The following ANKRD17 variants were observed in gnomAD, a reference collection of about 807,000 sequenced individuals.
The protein encoded by ANKRD17 is ankyrin repeat domain 17.
Under a neutral mutation model 229.7 loss-of-function variants are expected in ANKRD17, and 19 were observed. The observed-to-expected ratio is 0.08, with a 90% confidence interval of 0.06 to 0.12. The LOEUF (loss-of-function observed/expected upper bound fraction) is 0.12. Ranked by LOEUF, ANKRD17 falls within the 10% of genes least tolerant of loss-of-function variation. The pLI, the probability that ANKRD17 is intolerant of heterozygous loss-of-function variation, is 1.00. For missense variants in ANKRD17, 2,176 were observed against 3,176.8 expected, an observed-to-expected ratio of 0.68 and a Z score of 7.57; for synonymous variants, 1,112 against 1,146.1, an observed-to-expected ratio of 0.97 and a Z score of 0.60.
Position 73,090,969 on chromosome 4 carries a change from A to G in ANKRD17, c.6659T>C (p.Leu2220Pro), listed in dbSNP as rs762778817. The G allele has an allele frequency of 3.1e-6, 5 of 1,614,136 alleles. No homozygotes were observed. In the African/African-American group the frequency reaches 6.7e-5, roughly 22 times the overall value. ...ACTTTGTGTACTTAAGGTCGAAGGT[A>G]GCTGGACAGAAGAGGGAACACTGTG... The part of the protein sequence containing the change: ...RPHSVPSSVQ[L>P]PSTLSTQSAC... The change falls in exon 29 of 34, where the codon CTA (leucine) becomes CCA (proline). Residue 2220 changes from leucine to proline, a missense_variant. Physicochemically the swap from Leu to Pro is moderately conservative, Grantham distance 98. Coordinates refer to ENST00000358602, the MANE Select transcript of ANKRD17 (RefSeq NM_032217.5).
intron 30 of ANKRD17, among the ~76,000 whole-genome samples, chr4:73,082,338 A>C (rs1721660222): frequency 6.6e-6 from 1 of 151,882 alleles, no homozygotes; most frequent in South Asian, 2.1e-4. Flanking sequence ...AAATAAAAAC[A>C]TTAGCTGGGT....
intron 8 of ANKRD17, among the ~76,000 whole-genome samples, chr4:73,148,033 C>T (rs1730520378): frequency 6.6e-6 from 1 of 152,132 alleles, no homozygotes; most frequent in African/African-American, 2.4e-5. Context: ...AACAACCCTA[C>T]ACGAGAAAAC....
In ANKRD17 at chr4:73,113,927, A is replaced by AT. The variant is rs1725620501; in HGVS notation, c.4285-20dup. 3 of 1,552,550 alleles carry AT rather than the reference A, an allele frequency of 1.9e-6. No homozygotes were observed. Among genetic ancestry groups the AT allele is most frequent in the African/African-American group, 1.4e-5 (1 of 73,482 alleles). On this transcript the variant is annotated intron_variant, in intron 23 of 33. Transcript: ENST00000358602. ...GCATCTCCTATAATGAAAAATTAAGATTTTTCCAGGCTCACAGAACAATTC... is the reference window on the plus strand; with the variant it reads ...GCATCTCCTATAATGAAAAATTAAGATTTTTTCCAGGCTCACAGAACAATTC...
Position 73,253,495 on chromosome 4 carries a change from T to A in ANKRD17, c.393+4781A>T, listed in dbSNP as rs1003862888. On this transcript the variant is annotated intron_variant, in intron 1 of 33. Transcript: ENST00000358602. ...AACTCATTTAACTCTCATAACAATGTTATAAGGTAGAATCTACTATCATTA... is the reference window on the plus strand; with the variant it reads ...AACTCATTTAACTCTCATAACAATGATATAAGGTAGAATCTACTATCATTA... 5.9e-5 allele frequency among the ~76,000 whole-genome samples: 9 copies of A among 152,284 alleles called. 1 individual carries two copies. Among genetic ancestry groups the A allele is most frequent in the Admixed American group, 5.2e-4 (8 of 15,296 alleles).
chr4:73,255,544 G>C (rs924793516), intron 1 of ANKRD17, among the ~76,000 whole-genome samples: 1 of 152,142 alleles, frequency 6.6e-6, no homozygotes, highest in Non-Finnish European at 1.5e-5. Flanking sequence ...GCTCCAGAAA[G>C]TTAGGCTTCT....
intron 2 of ANKRD17, among the ~76,000 whole-genome samples, chr4:73,168,479 T>C (rs1172670904): frequency 2.0e-5 from 3 of 152,178 alleles, no homozygotes; most frequent in African/African-American, 7.2e-5. Context: ...AATTAAAACA[T>C]TGTTCCTATG....
chr4:73,180,005 A>T (rs1042509574), intron 1 of ANKRD17, among the ~76,000 whole-genome samples: 1 of 152,146 alleles, frequency 6.6e-6, no homozygotes, highest in Non-Finnish European at 1.5e-5. Flanking sequence ...ATTTACAATT[A>T]TTTCAATTTA....
intron 1 of ANKRD17, among the ~76,000 whole-genome samples, chr4:73,195,401 C>A (rs1224406354): frequency 1.3e-5 from 2 of 152,086 alleles, no homozygotes; most frequent in African/African-American, 2.4e-5. Context: ...TGTAATCCCT[C>A]ATCATATATT....
At chr4:73,213,021 C>T (rs1349490587) in intron 1 of ANKRD17, among the ~76,000 whole-genome samples, 2 of 101,590 alleles carry the variant, frequency 2.0e-5, no homozygotes, top group African/African-American at 8.0e-5. Context: ...AGCAAGACTC[C>T]GTTTCAGGGG....
At chr4:73,175,611 T>C (rs576891173) in intron 2 of ANKRD17, among the ~76,000 whole-genome samples, 3 of 152,284 alleles carry the variant, frequency 2.0e-5, no homozygotes, top group South Asian at 4.1e-4. Flanking sequence ...AGTACACATA[T>C]AGACCACTAG....
intron 1 of ANKRD17, among the ~76,000 whole-genome samples, chr4:73,203,058 G>C (rs961675363): frequency 6.6e-6 from 1 of 152,138 alleles, no homozygotes. Flanking sequence ...CACAAAAAAA[G>C]ATCAGTGAAC....
intron 24 of ANKRD17, among the ~76,000 whole-genome samples, chr4:73,109,790 T>G (rs924508206): frequency 6.6e-6 from 1 of 151,856 alleles, no homozygotes; most frequent in Non-Finnish European, 1.5e-5. Context: ...CATGTGAGAA[T>G]AAGAAGAAAG....
intron 1 of ANKRD17, among the ~76,000 whole-genome samples, chr4:73,219,976 G>C (rs976587937): frequency 1.3e-5 from 2 of 151,928 alleles, no homozygotes; most frequent in Non-Finnish European, 2.9e-5. Context: ...TAAATATACA[G>C]TAACCAAGTT....
chr4:73,113,763 T>C (rs368963231), intron 24 of ANKRD17, 29 bp downstream of exon 24: 17 of 1,469,888 alleles, frequency 1.2e-5, no homozygotes, highest in Non-Finnish European at 1.5e-5. Flanking sequence ...AAAAAGTGGG[T>C]AGTTTTCATG....
At position 73,091,705 on chromosome 4, in the gene ANKRD17, A is replaced by G. The variant is rs1244999738; in HGVS notation, c.5923T>C (p.Ser1975Pro). 1 of 1,614,196 alleles carries G rather than the reference A, an allele frequency of 6.2e-7. No individual in the cohort carries two copies. Among genetic ancestry groups the G allele is most frequent in the South Asian group, 1.1e-5 (1 of 91,084 alleles). ...GTACCAGGCACCGTTGAAGCTGATG[A>G]ACTGGTTGTAGTTGTTGGGCTTGAA... ...LTSSPTTTTS[S>P]SASTVPGTST... The change falls in exon 29 of 34, where the codon TCA becomes CCA. Residue 1975 changes from serine (S) to proline (P), a missense_variant. By Grantham distance (74) the Ser-to-Pro change is moderately conservative (BLOSUM62 -1). Transcript: ENST00000358602.
At chr4:73,109,726 A>G (rs1339329803) in intron 24 of ANKRD17, among the ~76,000 whole-genome samples, 1 of 152,210 alleles carries the variant, frequency 6.6e-6, no homozygotes, top group Non-Finnish European at 1.5e-5. Context: ...ACACATTTCA[A>G]GTAAAATTAG....
intron 22 of ANKRD17, 59 bp downstream of exon 22, chr4:73,118,629 A>G: frequency 6.4e-7 from 1 of 1,574,284 alleles, no homozygotes. Context: ...TCACTAAGCC[A>G]TGTACTTCCT....
intron 30 of ANKRD17, among the ~76,000 whole-genome samples, chr4:73,079,746 C>G (rs893865423): frequency 9.2e-5 from 14 of 152,116 alleles, no homozygotes; most frequent in Non-Finnish European, 1.6e-4. Context: ...TGATTTGAGA[C>G]TATTCATTAG....
intron 15 of ANKRD17, among the ~76,000 whole-genome samples, chr4:73,138,885 A>G (rs904073192): frequency 1.3e-5 from 2 of 152,162 alleles, no homozygotes; most frequent in African/African-American, 4.8e-5. Context: ...ATCTGGCTAC[A>G]CATCTAAAAA....
Sources: gnomAD v4.1 joint callset for allele counts (sites outside exome capture counted in the v4.1 genomes callset) on GRCh38, gnomAD v4.1.1 for gene constraint, MANE v1.5 for transcripts, NCBI Gene and HGNC (gene_info 2026-07-23, HGNC 2026-07-21) for gene names.